The following ZNF184 variants were observed in gnomAD, a reference collection of about 807,000 sequenced individuals.
ZNF184 encodes zinc finger protein 184, also known as zinc finger protein 184 (Kruppel-like).
In ZNF184, 16 loss-of-function variants were observed where a neutral mutation model predicts 54.4. The observed-to-expected ratio is 0.29, with a 90% CI of 0.20 to 0.45. The LOEUF (loss-of-function observed/expected upper bound fraction) is 0.45. Ranked by LOEUF, ZNF184 falls within the 20% of genes least tolerant of loss-of-function variation. ZNF184 has a pLI of 1.00. For synonymous variants in ZNF184, 254 were observed against 295.3 expected, an observed-to-expected ratio of 0.86 and a Z score of 1.43; for missense variants, 681 against 888.2, an observed-to-expected ratio of 0.77 and a Z score of 2.97.
At position 27,452,556 on chromosome 6, in the gene ZNF184, T is replaced by C; in HGVS notation, c.1003A>G (p.Thr335Ala). The C allele has an allele frequency of 1.9e-6, 3 of 1,614,066 alleles. No individual in the cohort carries two copies. Among genetic ancestry groups the C allele is most frequent in the Non-Finnish European group, 2.5e-6 (3 of 1,179,994 alleles). Residue 335 changes from threonine (T) to alanine (A), a missense_variant, in exon 6 of 6, where the codon ACT becomes GCT. Physicochemically the swap from Thr to Ala is moderately conservative, Grantham distance 58 (BLOSUM62 0). Transcript: ENST00000683788. This position sits in a 1 kb window ranked among gnomAD's most constrained non-coding sequence, Gnocchi z 5.5. ...QRIHTGEKPY[T>A]CNECGKAFSQ... The stretch of plus-strand genomic sequence containing the variant: ...AAGGCTTTTCCACACTCATTACAAG[T>C]GTATGGCTTCTCGCCAGTATGAATT...
the ZNF184 span, chr6:27,405,831 A>G: frequency 2.0e-5 from 3 of 152,422 alleles, no homozygotes; most frequent in East Asian, 3.9e-4. Flanking sequence ...GCTCCCTTCC[A>G]TAGCTGGGAC....
intron 3 of ZNF184, among the ~76,000 whole-genome samples, chr6:27,457,728 T>C (rs1026905621): frequency 5.3e-5 from 8 of 152,244 alleles, no homozygotes; most frequent in Non-Finnish European, 1.2e-4. Flanking sequence ...TAAGTATTAA[T>C]GGTTTAACTA....
the ZNF184 span, among the ~76,000 whole-genome samples, chr6:27,435,238 C>T: frequency 7.2e-5 from 11 of 152,202 alleles, no homozygotes; most frequent in East Asian, 1.9e-4. Context: ...TTGGTTGCTT[C>T]GGATGACGTT....
intron 4 of ZNF184, 29 bp from the exon 5 acceptor site, chr6:27,456,950 C>A (rs777746527): frequency 9.7e-5 from 153 of 1,579,488 alleles, no homozygotes; most frequent in Non-Finnish European, 1.3e-4. Flanking sequence ...AAGAAAGAAA[C>A]CTGCAGTAAG....
At chr6:27,411,933 G>C in the ZNF184 span, among the ~76,000 whole-genome samples, 1 of 152,156 alleles carries the variant, frequency 6.6e-6, no homozygotes, top group Non-Finnish European at 1.5e-5. Context: ...AGGTGAGGAG[G>C]GGCATGACAG....
chr6:27,423,413 A>G, the ZNF184 span, among the ~76,000 whole-genome samples: 1 of 151,964 alleles, frequency 6.6e-6, no homozygotes, highest in East Asian at 1.9e-4. Flanking sequence ...ATTCACATGT[A>G]TTTTCCAAGC....
At chr6:27,423,358 G>C in the ZNF184 span, among the ~76,000 whole-genome samples, 1 of 152,172 alleles carries the variant, frequency 6.6e-6, no homozygotes, top group African/African-American at 2.4e-5. Flanking sequence ...TTCTAACAAA[G>C]TGATAATTCA....
At chr6:27,423,107 T>C in the ZNF184 span, among the ~76,000 whole-genome samples, 45 of 152,236 alleles carry the variant, frequency 3.0e-4, no homozygotes, top group African/African-American at 1.0e-3. Flanking sequence ...GCTAGTCGCG[T>C]ACGCGGCCTC....
chr6:27,423,407 A>G, the ZNF184 span, among the ~76,000 whole-genome samples: 1 of 152,046 alleles, frequency 6.6e-6, no homozygotes, highest in Non-Finnish European at 1.5e-5. Flanking sequence ...GATTTTATTC[A>G]CATGTATTTT....
intron 3 of ZNF184, 96 bp downstream of exon 3, chr6:27,467,757 C>G: frequency 8.3e-7 from 1 of 1,204,450 alleles, no homozygotes; most frequent in Non-Finnish European, 1.2e-6. Flanking sequence ...GAACTGCCAA[C>G]ATTGATTTTT....
chr6:27,427,315 T>C, the ZNF184 span, among the ~76,000 whole-genome samples: 5 of 152,180 alleles, frequency 3.3e-5, no homozygotes, highest in African/African-American at 1.2e-4. Context: ...TGTTCATATT[T>C]ATTCAAAAAC....
intron 3 of ZNF184, among the ~76,000 whole-genome samples, chr6:27,461,286 C>T (rs1028554385): frequency 2.0e-5 from 3 of 152,168 alleles, no homozygotes; most frequent in African/African-American, 7.2e-5. Flanking sequence ...ACTCAGAAGC[C>T]TGTACCTGAT....
intron 2 of ZNF184, among the ~76,000 whole-genome samples, chr6:27,471,330 A>C (rs1056366481): frequency 5.3e-5 from 8 of 152,252 alleles, no homozygotes; most frequent in African/African-American, 1.9e-4. Context: ...AAAATTGAAC[A>C]GTCATAAATG....
chr6:27,443,471 C>T, the ZNF184 span, among the ~76,000 whole-genome samples: 1 of 152,166 alleles, frequency 6.6e-6, no homozygotes, highest in Admixed American at 6.5e-5. Context: ...TTGGTGATTT[C>T]GATATGTATG....
the ZNF184 span, among the ~76,000 whole-genome samples, chr6:27,426,045 A>G: frequency 6.6e-6 from 1 of 152,216 alleles, no homozygotes; most frequent in Non-Finnish European, 1.5e-5. The surrounding 1 kb of genome is among the most constrained non-coding windows in gnomAD (Gnocchi z 4.2). Flanking sequence ...GGTACAAGGC[A>G]CAATAAGGAA....
intron 5 of ZNF184, among the ~76,000 whole-genome samples, chr6:27,456,265 G>A (rs7454028): frequency 1.4e-4 from 21 of 149,132 alleles, no homozygotes; most frequent in Non-Finnish European, 1.6e-4. Context: ...TTCAAAAAAA[G>A]AAAAAAAAAA....
At chr6:27,460,534 C>A (rs1247337307) in intron 3 of ZNF184, among the ~76,000 whole-genome samples, 1 of 152,178 alleles carries the variant, frequency 6.6e-6, no homozygotes, top group Non-Finnish European at 1.5e-5. Flanking sequence ...AACTTTTTGC[C>A]TGAGGCACTG....
At chr6:27,423,997 G>A in the ZNF184 span, among the ~76,000 whole-genome samples, 5 of 152,128 alleles carry the variant, frequency 3.3e-5, no homozygotes, top group Non-Finnish European at 5.9e-5. Flanking sequence ...GTGGGTTCTT[G>A]GTCTCACTGA....
the ZNF184 span, among the ~76,000 whole-genome samples, chr6:27,413,827 A>G: frequency 1.3e-5 from 2 of 152,208 alleles, no homozygotes; most frequent in African/African-American, 4.8e-5. Context: ...ATGTGGATCC[A>G]TGCTAAGTTT....
Sources: allele counts gnomAD v4.1 joint callset (sites outside exome capture counted in the v4.1 genomes callset), GRCh38; gene constraint gnomAD v4.1.1; non-coding constraint Gnocchi (gnomAD v3.1); transcripts MANE v1.5; gene names NCBI Gene and HGNC (gene_info 2026-07-23, HGNC 2026-07-21).